Variants in MGAT4B observed in about 807,000 individuals in gnomAD.
MGAT4B encodes N-acetylglucosaminyltransferase IVb.
Under a neutral mutation model 73.9 loss-of-function variants are expected in MGAT4B, and 38 were observed. The ratio of observed to expected loss-of-function variants is 0.51; its 90% confidence interval spans 0.40 to 0.67. MGAT4B has a LOEUF of 0.67. MGAT4B is among the 30% of genes least tolerant of loss of function. MGAT4B has a pLI of 0.00. For synonymous variants in MGAT4B, 373 were observed against 313.5 expected (o/e 1.19, Z -2.01); for missense variants, 686 against 735.2 (o/e 0.93, Z 0.77).
At position 179,801,474 on chromosome 5, in the gene MGAT4B, G is replaced by A. The variant is rs993434299; in HGVS notation, c.425-7C>T. The A allele has an allele frequency of 4.4e-6, 7 of 1,604,868 alleles. No homozygotes were observed. The highest frequency in any genetic ancestry group is 1.1e-5 in the South Asian group (1 of 90,926). On this transcript the variant is annotated splice_polypyrimidine_tract_variant and splice_region_variant and intron_variant, in intron 3 of 14. Coordinates refer to ENST00000292591, the MANE Select transcript of MGAT4B (RefSeq NM_014275.5). This position sits in a 1 kb window ranked among gnomAD's most constrained non-coding sequence, Gnocchi z 4.8. ...ATGCCCATCACCACCGACACTATGG[G>A]GGACGGAGGCCCGACGCTGGAAAGG... is the stretch of plus-strand genomic sequence containing the variant.
chr5:179,799,349 C>T (rs752640190), intron 9 of MGAT4B, 39 bp from the exon 10 acceptor site: 12 of 1,608,390 alleles, frequency 7.5e-6, no homozygotes, highest in South Asian at 1.1e-5. Flanking sequence ...TCGGCTTAGC[C>T]CTCCTTCCTC....
At position 179,801,162 on chromosome 5, in the gene MGAT4B, TA is replaced by T. The variant is rs139149018; in HGVS notation, c.558+171del. Among the ~76,000 whole-genome samples, 2,770 of 151,794 alleles carry T rather than the reference TA, an allele frequency of 0.018. 107 individuals are homozygous for T. Among genetic ancestry groups the T allele is most frequent in the African/African-American group, 0.064 (2,653 of 41,360 alleles). ...ACTAGGGGGTGGCGGGGGCGATGGG[TA>T]GGGGTAGAGGGTGCCAGAAAGCCCT... On this transcript the variant is annotated intron_variant, in intron 4 of 14. Coordinates refer to ENST00000292591, the MANE Select transcript of MGAT4B (RefSeq NM_014275.5). This position sits in a 1 kb window ranked among gnomAD's most constrained non-coding sequence, Gnocchi z 4.8.
rs750151271 is a variant in MGAT4B at position 179,800,450 on chromosome 5, C to G, written c.719+34G>C. The G allele has an allele frequency of 2.0e-6, 3 of 1,485,702 alleles. No individual in the cohort carries two copies. The African/African-American group carries it at 4.2e-5, about 21-fold the overall frequency. 92.0% of individuals were successfully genotyped at this position (1,485,702 alleles called of 1,614,324 possible). On this transcript the variant is annotated intron_variant, in intron 6 of 14. Transcript: ENST00000292591. ...TAGATGGGTTCTCAGCACAGGCAGG[C>G]GGGTTGCTGAGGGTATGGGGGAGTA...
At chr5:179,804,266 G>A (rs192454918) in intron 1 of MGAT4B, among the ~76,000 whole-genome samples, 23 of 152,356 alleles carry the variant, frequency 1.5e-4, no homozygotes, top group African/African-American at 3.6e-4. Context: ...TATCAGGCCC[G>A]TTAACGGTCT....
intron 8 of MGAT4B, 88 bp downstream of exon 8, chr5:179,799,866 G>T: frequency 7.2e-7 from 1 of 1,379,504 alleles, no homozygotes; most frequent in Non-Finnish European, 1.0e-6. Context: ...CTGGGCAAAG[G>T]CTCACAGTGG....
At chr5:179,799,892 G>C in intron 8 of MGAT4B, 62 bp downstream of exon 8, 1 of 1,474,430 alleles carries the variant, frequency 6.8e-7, no homozygotes, top group Non-Finnish European at 9.5e-7. Flanking sequence ...GTGGGACTGG[G>C]AGAGAGGATG....
chr5:179,805,838 G>A (rs772083299), intron 1 of MGAT4B, among the ~76,000 whole-genome samples: 13 of 152,044 alleles, frequency 8.6e-5, no homozygotes, highest in Admixed American at 2.6e-4. Flanking sequence ...GGCGCGGGGG[G>A]ATCGGCCCGC....
Position 179,806,408 on chromosome 5 carries a change from T to C in MGAT4B, c.97+79A>G, listed in dbSNP as rs1757158161. Reference sequence around the variant, plus strand: ...CGCCTGCGTCGGCTTCCGGCCGCCTTCCGCGGCCACCGCCGGGCCCGCTCC... The same window carrying C: ...CGCCTGCGTCGGCTTCCGGCCGCCTCCCGCGGCCACCGCCGGGCCCGCTCC... On this transcript the variant is annotated intron_variant, in intron 1 of 14. Transcript: ENST00000292591. The surrounding 1 kb of genome is among the most constrained non-coding windows in gnomAD (Gnocchi z 4.6). The C allele has an allele frequency of 3.2e-6, 3 of 928,154 alleles. No individual in the cohort carries two copies. The highest frequency in any genetic ancestry group is 4.0e-6 in the Non-Finnish European group (3 of 751,452). 57.5% of individuals were successfully genotyped at this position (928,154 alleles called of 1,614,324 possible).
At position 179,798,168 on chromosome 5, in the gene MGAT4B, G is replaced by T; in HGVS notation, c.1620C>A (p.Ser540Arg). 2 of 1,593,290 alleles carry T rather than the reference G, an allele frequency of 1.3e-6. No individual in the cohort carries two copies. The highest frequency in any genetic ancestry group is 1.7e-6 in the Non-Finnish European group (2 of 1,169,310). Residue 540 changes from serine to arginine, a missense_variant, in exon 14 of 15, where the codon AGC becomes AGA. Physicochemically the swap from Ser to Arg is moderately radical, Grantham distance 110 (BLOSUM62 -1). Around this residue, in one of 2 missense-constraint regions of MGAT4B, gnomAD observed 449 missense variants for 536.8 expected, o/e 0.84. Coordinates refer to ENST00000292591, the MANE Select transcript of MGAT4B (RefSeq NM_014275.5). ...GCCTGGCCCTGCCCAGCCTCACCTC[G>T]CTCAGAATCACCCACACAGGGGAGT... Reference protein sequence around the residue: ...QTDSPVWVILSEIFLKKAD With the variant: ...QTDSPVWVILREIFLKKAD
chr5:179,802,455 C>T (rs1297600543), intron 1 of MGAT4B: 6 of 1,054,286 alleles, frequency 5.7e-6, no homozygotes, highest in African/African-American at 1.7e-5. Context: ...CTTAGCCTCA[C>T]GATGGCCCCG....
intron 1 of MGAT4B, chr5:179,802,475 T>C: frequency 9.7e-7 from 1 of 1,035,438 alleles, no homozygotes; most frequent in Non-Finnish European, 1.2e-6. Context: ...GGGGGGTGGC[T>C]GCTGCAGTTC....
chr5:179,798,315 C>G (rs1272804826), intron 13 of MGAT4B, 32 bp downstream of exon 13: 1 of 1,612,800 alleles, frequency 6.2e-7, no homozygotes, highest in African/African-American at 1.3e-5. Flanking sequence ...TCCCTGAACC[C>G]CAGCCCACGC....
chr5:179,798,808 T>C, intron 11 of MGAT4B, 120 bp downstream of exon 11: 1 of 1,260,236 alleles, frequency 7.9e-7, no homozygotes, highest in Non-Finnish European at 1.1e-6. Context: ...GTAGCTACCA[T>C]TACGAGGCCC....
chr5:179,802,896 T>C, intron 1 of MGAT4B: 1 of 985,390 alleles, frequency 1.0e-6, no homozygotes, highest in Non-Finnish European at 1.2e-6. Flanking sequence ...CTACAAGGCC[T>C]TCTGTTTCCA....
intron 7 of MGAT4B, 39 bp downstream of exon 7, chr5:179,800,145 C>A: frequency 3.1e-6 from 5 of 1,611,420 alleles, no homozygotes; most frequent in Non-Finnish European, 4.2e-6. Flanking sequence ...GGCAGGGCGG[C>A]GCAGGGCAGG....
At chr5:179,802,256 C>T in intron 1 of MGAT4B, 3 of 1,421,238 alleles carry the variant, frequency 2.1e-6, no homozygotes, top group Non-Finnish European at 1.8e-6. Context: ...ATTTCCAGAC[C>T]TAGGTAGGTG....
At chr5:179,805,744 C>A (rs1284461344) in intron 1 of MGAT4B, among the ~76,000 whole-genome samples, 1 of 152,232 alleles carries the variant, frequency 6.6e-6, no homozygotes, top group Non-Finnish European at 1.5e-5. Context: ...GCCACTCTCC[C>A]GGAACCTCCA....
rs1265890999 is a variant in MGAT4B, at chr5:179,799,406, G to A, written c.1042-96C>T. On this transcript the variant is annotated intron_variant, in intron 9 of 14. Transcript: ENST00000292591. ...TACCAGGGCCCTCCCACAGCTGACA[G>A]TGCTCTATGTGAGCAGATGCAAGGA... is the stretch of plus-strand genomic sequence containing the variant. The A allele has an allele frequency of 1.0e-5, 16 of 1,603,782 alleles. No homozygotes were observed. The Admixed American group carries it at 2.2e-4, about 22-fold the overall frequency.
chr5:179,806,107 G>C lies in MGAT4B; in HGVS notation c.97+380C>G, dbSNP rs1339982480. 1 of 148,942 alleles carries C rather than the reference G, an allele frequency of 6.7e-6. No homozygotes were observed. Among genetic ancestry groups the C allele is most frequent in the Non-Finnish European group, 1.5e-5 (1 of 68,026 alleles). The allele number at this position is 148,942 out of a possible 1,614,324, so 9.2% of individuals were successfully genotyped here. ...GGCGCGGGGCAGCAGGCAGCAGGGTGGGGGGGTGCCCTCGCGCCTGTGTCC... is the reference window on the plus strand; with the variant it reads ...GGCGCGGGGCAGCAGGCAGCAGGGTCGGGGGGTGCCCTCGCGCCTGTGTCC... On this transcript the variant is annotated intron_variant, in intron 1 of 14. Transcript: ENST00000292591. This position sits in a 1 kb window ranked among gnomAD's most constrained non-coding sequence, Gnocchi z 4.6.
Sources: gnomAD v4.1 joint callset for allele counts (sites outside exome capture counted in the v4.1 genomes callset) on GRCh38, gnomAD v4.1.1 for gene constraint, gnomAD v4.1.1 regional missense constraint, Gnocchi (gnomAD v3.1) non-coding constraint, MANE v1.5 for transcripts, NCBI Gene and HGNC (gene_info 2026-07-23, HGNC 2026-07-21) for gene names.